Variants in CEP152 observed in about 807,000 individuals in gnomAD.
CEP152 encodes centrosomal protein of 152 kDa.
CEP152 carries 132 observed loss-of-function variants against 188.9 expected under a neutral mutation model. The ratio of observed to expected loss-of-function variants is 0.70; its 90% confidence interval spans 0.61 to 0.81. The LOEUF (loss-of-function observed/expected upper bound fraction) is 0.81. CEP152 is among the 30% of genes least tolerant of loss of function. CEP152 has a pLI of 0.00. For synonymous variants in CEP152, 649 were observed against 666.6 expected (o/e 0.97, Z 0.41); for missense variants, 1,914 against 1,969.8 (o/e 0.97, Z 0.54).
intron 2 of CEP152, chr15:48,729,153 G>GT (rs1892342418): frequency 6.6e-6 from 1 of 152,164 alleles, no homozygotes; most frequent in South Asian, 2.1e-4. Flanking sequence ...AAGAAAAGTG[G>GT]TAAGTCCTCA....
intron 2 of CEP152, among the ~76,000 whole-genome samples, chr15:48,730,846 T>C (rs1244681681): frequency 6.6e-6 from 1 of 152,056 alleles, no homozygotes; most frequent in Non-Finnish European, 1.5e-5. Context: ...AACACAACAA[T>C]AATAATAAAC....
At chr15:48,736,090 G>GA (rs747044502), downstream of CEP152, among the ~76,000 whole-genome samples, 2 of 151,998 alleles carry the variant, frequency 1.3e-5, no homozygotes, top group Non-Finnish European at 2.9e-5. Context: ...ACTGACTAAA[G>GA]AAAAAATGGA....
At chr15:48,773,991 T>C (rs1385274136) in intron 12 of CEP152, among the ~76,000 whole-genome samples, 1 of 152,124 alleles carries the variant, frequency 6.6e-6, no homozygotes, top group African/African-American at 2.4e-5. Context: ...ACAATAGAAT[T>C]AATATATTTC....
chr15:48,809,624 G>A (rs898131182), intron 1 of CEP152, among the ~76,000 whole-genome samples: 2 of 152,172 alleles, frequency 1.3e-5, no homozygotes, highest in African/African-American at 4.8e-5. Flanking sequence ...TATCAGCAGT[G>A]CAATCTTGAG....
intron 2 of CEP152, among the ~76,000 whole-genome samples, chr15:48,802,556 T>A (rs1445606015): frequency 6.6e-6 from 1 of 152,168 alleles, no homozygotes; most frequent in Non-Finnish European, 1.5e-5. Flanking sequence ...GTGGGCCAAC[T>A]TTTACTAATG....
intron 18 of CEP152, among the ~76,000 whole-genome samples, chr15:48,760,930 C>T (rs550924949): frequency 2.9e-4 from 44 of 151,966 alleles, no homozygotes; most frequent in African/African-American, 1.0e-3. Flanking sequence ...AACACAAAAG[C>T]AGGGTTGATA....
chr15:48,768,143 T>A, intron 15 of CEP152, 76 bp downstream of exon 15: 1 of 852,136 alleles, frequency 1.2e-6, no homozygotes, highest in East Asian at 2.4e-5. Flanking sequence ...TGAATCTTTT[T>A]GTCACAGGGA....
chr15:48,741,897 T>A (rs1319848747), intron 25 of CEP152, 50 bp downstream of exon 25: 2 of 1,614,028 alleles, frequency 1.2e-6, no homozygotes. Flanking sequence ...TTAAAAATGA[T>A]AACATGTTGT....
intron 20 of CEP152, among the ~76,000 whole-genome samples, chr15:48,754,674 G>T (rs1288191743): frequency 6.6e-6 from 1 of 152,126 alleles, no homozygotes; most frequent in Non-Finnish European, 1.5e-5. Flanking sequence ...GGAGTGAGCT[G>T]ATCTTTCAGG....
chr15:48,767,615 A>G (rs545418790), intron 15 of CEP152, 152 bp from the exon 16 acceptor site: 220 of 987,874 alleles, frequency 2.2e-4, no homozygotes, highest in Non-Finnish European at 3.1e-4. Flanking sequence ...GTAATAATTA[A>G]TTAATAACCA....
intron 22 of CEP152, among the ~76,000 whole-genome samples, chr15:48,746,555 T>C (rs1433536548): frequency 6.6e-6 from 1 of 152,142 alleles, no homozygotes; most frequent in Admixed American, 6.5e-5. Flanking sequence ...TAAAACCCTT[T>C]CTGGTCTTAA....
At position 48,791,326 on chromosome 15, in the gene CEP152, G is replaced by C. The variant is rs374221404; in HGVS notation, c.883C>G (p.Gln295Glu). The change falls in exon 8 of 27, where the codon CAG becomes GAG. Residue 295 changes from glutamine (Q) to glutamate (E), a missense_variant. By Grantham distance (29) the Gln-to-Glu change is conservative. Transcript: ENST00000380950. ...TGTATCTCTCTTTCTTTTCCATTCT[G>C]AAAGAGTTTCTGTGATTCTCGAAGG... ...LSLRESQKLF[Q>E]NGKEREIQLE... 6.2e-7 allele frequency: 1 copy of C among 1,612,734 alleles called. No individual in the cohort carries two copies. The highest frequency in any genetic ancestry group is 1.3e-5 in the African/African-American group (1 of 74,946).
Position 48,738,112 on chromosome 15 carries a change from G to A in CEP152, c.*137C>T. 1.1e-6 allele frequency: 1 copy of A among 929,386 alleles called. No individual in the cohort carries two copies. Among genetic ancestry groups the A allele is most frequent in the Non-Finnish European group, 1.6e-6 (1 of 640,098 alleles). 57.6% of individuals were successfully genotyped at this position (929,386 alleles called of 1,614,324 possible). A position where few individuals can be genotyped will look rare whatever the true frequency, so the allele number is the denominator to read the frequency against. On this transcript the variant is annotated 3_prime_UTR_variant, in exon 27 of 27. Transcript: ENST00000380950. ...AACATAAATATCTCAAGCAATTTTA[G>A]AAGAATGCTTTACTTATATAACAGA... is the stretch of plus-strand genomic sequence containing the variant.
chr15:48,773,087 TTC>T (rs1475981452), intron 12 of CEP152, among the ~76,000 whole-genome samples: 3 of 152,282 alleles, frequency 2.0e-5, no homozygotes, highest in South Asian at 2.1e-4. Context: ...AACCAACAAT[TTC>T]TGTTATTTTT....
At chr15:48,770,271 A>C (rs1895436937) in intron 13 of CEP152, among the ~76,000 whole-genome samples, 1 of 152,194 alleles carries the variant, frequency 6.6e-6, no homozygotes. Flanking sequence ...TTGAGTCCAC[A>C]GCTGAAGTAA....
chr15:48,789,309 G>C (rs1323102446), intron 8 of CEP152: 1 of 429,166 alleles, frequency 2.3e-6, no homozygotes, highest in African/African-American at 2.0e-5. Context: ...TGCTGATGCC[G>C]TGATGGCCCC....
chr15:48,740,012 T>C (rs758567383), intron 26 of CEP152, among the ~76,000 whole-genome samples: 25 of 152,232 alleles, frequency 1.6e-4, no homozygotes, highest in Non-Finnish European at 3.5e-4. Context: ...ATCAGACTCA[T>C]GGACCCCTGA....
rs760299652 is a variant in CEP152 at position 48,738,302 on chromosome 15, G to A, written c.5080C>T (p.Leu1694=). The A allele has an allele frequency of 1.9e-6, 3 of 1,614,016 alleles. No individual in the cohort carries two copies. Among genetic ancestry groups the A allele is most frequent in the Non-Finnish European group, 2.5e-6 (3 of 1,179,932 alleles). ...AAGCCACTATCTTGTTGGCTAGATA[G>A]CGGAACAATTAATTTTCTTGAAGGC... is the stretch of plus-strand genomic sequence containing the variant. ...QQPSRKLIVP[L]SSQQDSGFDS... Residue 1694 remains leucine, a synonymous_variant, in exon 27 of 27, where the codon CTA becomes TTA. Transcript: ENST00000380950.
intron 12 of CEP152, among the ~76,000 whole-genome samples, chr15:48,777,027 C>T (rs1311940586): frequency 6.6e-6 from 1 of 152,036 alleles, no homozygotes; most frequent in Non-Finnish European, 1.5e-5. Context: ...TTCCAATAGA[C>T]AAGCTTCCTA....
Sources: allele counts gnomAD v4.1 joint callset (sites outside exome capture counted in the v4.1 genomes callset), GRCh38; gene constraint gnomAD v4.1.1; transcripts MANE v1.5; gene names NCBI Gene and HGNC (gene_info 2026-07-23, HGNC 2026-07-21).